Variants in CDKN2B-AS1 observed in about 807,000 individuals in gnomAD.
CDKN2B-AS1 encodes CDKN2B antisense RNA 1 (non-protein coding).
intron 4 of CDKN2B-AS1, among the ~76,000 whole-genome samples, chr9:22,116,529 T>C (rs1048164548): frequency 2.0e-5 from 3 of 152,198 alleles, no homozygotes; most frequent in African/African-American, 7.2e-5. Context: ...GCCTGCTTGA[T>C]GTGGAAGACA....
intron 4 of CDKN2B-AS1, among the ~76,000 whole-genome samples, chr9:22,098,733 C>G (rs1213264305): frequency 1.3e-5 from 2 of 152,124 alleles, no homozygotes; most frequent in Non-Finnish European, 2.9e-5. Flanking sequence ...ATTAACTGGC[C>G]AAACTAAGAT....
rs1456445814 is a variant in CDKN2B-AS1 at position 22,006,414 on chromosome 9, G to A, written n.29+11253G>A. 5 of 924,468 alleles carry A rather than the reference G, an allele frequency of 5.4e-6. No individual in the cohort carries two copies. Among genetic ancestry groups the A allele is most frequent in the Non-Finnish European group, 8.3e-6 (5 of 605,546 alleles). The allele number at this position is 924,468 out of a possible 1,614,324, so 57.3% of individuals were successfully genotyped here. A position where few individuals can be genotyped will look rare whatever the true frequency, so the allele number is the denominator to read the frequency against. ...GTCTGGTGTTTCTTCATTTGCTGAT[G>A]CAATCCACTTTCCCACCCCACCTTC... On this transcript the variant is annotated intron_variant and non_coding_transcript_variant, in intron 1 of 4. Transcript: ENST00000650946. The surrounding 1 kb of genome is among the most constrained non-coding windows in gnomAD (Gnocchi z 6.4).
intron 1 of CDKN2B-AS1, among the ~76,000 whole-genome samples, chr9:22,025,771 C>G (rs534714186): frequency 6.6e-6 from 1 of 152,120 alleles, no homozygotes; most frequent in African/African-American, 2.4e-5. Context: ...GCTGAAGACG[C>G]TAGTTGGGAG....
intron 1 of CDKN2B-AS1, among the ~76,000 whole-genome samples, chr9:22,015,124 C>T (rs1232205816): frequency 6.6e-6 from 1 of 151,930 alleles, no homozygotes; most frequent in Non-Finnish European, 1.5e-5. Context: ...GGTATATACC[C>T]AGTAATGGGA....
At chr9:22,100,092 C>T (rs1270949976) in intron 4 of CDKN2B-AS1, among the ~76,000 whole-genome samples, 2 of 152,002 alleles carry the variant, frequency 1.3e-5, no homozygotes, top group Non-Finnish European at 2.9e-5. Context: ...GGGATAAAGG[C>T]GATAGTATTT....
At chr9:22,106,969 G>T (rs992655591) in intron 4 of CDKN2B-AS1, among the ~76,000 whole-genome samples, 2 of 152,180 alleles carry the variant, frequency 1.3e-5, no homozygotes, top group African/African-American at 4.8e-5. Context: ...TCGAACCAAG[G>T]TAATTGTCCT....
intron 1 of CDKN2B-AS1, among the ~76,000 whole-genome samples, chr9:22,015,940 T>C (rs1382011624): frequency 6.6e-6 from 1 of 152,084 alleles, no homozygotes; most frequent in Non-Finnish European, 1.5e-5. Flanking sequence ...TTTGATGGGG[T>C]TGTTTGTTTT....
intron 3 of CDKN2B-AS1, among the ~76,000 whole-genome samples, chr9:22,053,114 C>G (rs1823423935): frequency 6.6e-6 from 1 of 152,212 alleles, no homozygotes; most frequent in Non-Finnish European, 1.5e-5. Flanking sequence ...TTTTCTAGCT[C>G]TGAGTATGTG....
chr9:22,068,489 C>T (rs781636295), intron 4 of CDKN2B-AS1, among the ~76,000 whole-genome samples: 3 of 152,098 alleles, frequency 2.0e-5, no homozygotes, highest in Admixed American at 1.3e-4. Flanking sequence ...GCAGATGAGA[C>T]ACTATGTACC....
Position 22,006,102 on chromosome 9 carries a change from C to A in CDKN2B-AS1, n.29+10941C>A. 6.2e-7 allele frequency: 1 copy of A among 1,609,452 alleles called. No individual in the cohort carries two copies. Among genetic ancestry groups the A allele is most frequent in the Non-Finnish European group, 8.5e-7 (1 of 1,179,764 alleles). On this transcript the variant is annotated intron_variant and non_coding_transcript_variant, in intron 1 of 4. Coordinates refer to ENST00000650946, the Ensembl canonical transcript of CDKN2B-AS1. The surrounding 1 kb of genome is among the most constrained non-coding windows in gnomAD (Gnocchi z 6.4). ...GCGCACGTCCAGCCGCGCCCCGGCC[C>A]GGTGCAGCACCACCAGCGTGTCCAG...
At chr9:22,075,832 G>C (rs1824470404) in intron 4 of CDKN2B-AS1, among the ~76,000 whole-genome samples, 1 of 152,124 alleles carries the variant, frequency 6.6e-6, no homozygotes, top group Non-Finnish European at 1.5e-5. Flanking sequence ...ATACATCCCA[G>C]AAATGAACCC....
At chr9:22,088,689 T>G (rs1031623200) in intron 4 of CDKN2B-AS1, among the ~76,000 whole-genome samples, 1 of 152,194 alleles carries the variant, frequency 6.6e-6, no homozygotes, top group Non-Finnish European at 1.5e-5. Context: ...ATAGCTACTT[T>G]AAATAGACAT....
At chr9:22,082,867 G>A (rs1223620023) in intron 4 of CDKN2B-AS1, among the ~76,000 whole-genome samples, 5 of 152,054 alleles carry the variant, frequency 3.3e-5, no homozygotes, top group African/African-American at 1.2e-4. Flanking sequence ...TGTAAGCCAC[G>A]GAAAGAAATC....
chr9:22,112,628 C>A (rs1024940278), intron 4 of CDKN2B-AS1, among the ~76,000 whole-genome samples: 4 of 152,128 alleles, frequency 2.6e-5, no homozygotes, highest in South Asian at 2.1e-4. Context: ...GCAGATAAAA[C>A]AATAATTCTT....
chr9:22,025,179 C>T (rs1416554963), intron 1 of CDKN2B-AS1, among the ~76,000 whole-genome samples: 1 of 152,136 alleles, frequency 6.6e-6, no homozygotes, highest in Non-Finnish European at 1.5e-5. Context: ...TGTGGGTCAG[C>T]AATCATTCAG....
chr9:22,117,022 G>C (rs1023375358), intron 4 of CDKN2B-AS1, among the ~76,000 whole-genome samples: 5 of 152,256 alleles, frequency 3.3e-5, no homozygotes, highest in Non-Finnish European at 7.4e-5. Flanking sequence ...AGAATGTAAG[G>C]GGAATGACTT....
rs915074897 is a variant in CDKN2B-AS1, at chr9:21,999,516, A to G, written n.29+4355A>G. 3.3e-5 allele frequency among the ~76,000 whole-genome samples: 5 copies of G among 152,012 alleles called. No individual in the cohort carries two copies. Among genetic ancestry groups the G allele is most frequent in the African/African-American group, 9.7e-5 (4 of 41,428 alleles). On this transcript the variant is annotated intron_variant and non_coding_transcript_variant, in intron 1 of 4. Transcript: ENST00000650946. The surrounding 1 kb of genome is among the most constrained non-coding windows in gnomAD (Gnocchi z 4.7). ...CATATATATACATACATATGTATAT[A>G]TGTATTTTATGTATGGATACATATG...
chr9:22,041,398 C>G (rs1822890059), intron 1 of CDKN2B-AS1, among the ~76,000 whole-genome samples: 1 of 152,006 alleles, frequency 6.6e-6, no homozygotes, highest in Non-Finnish European at 1.5e-5. Context: ...AAAGTGAAAA[C>G]TCCAATCAAC....
Position 22,126,574 on chromosome 9 carries a change from C to CTTTTTTTTTTTTTTTTTTTTTT in CDKN2B-AS1, n.439-508_439-507insTTTTTTTTTTTTTTTTTTTTTT, listed in dbSNP as rs34700018. 4.8e-5 allele frequency among the ~76,000 whole-genome samples: 5 copies of CTTTTTTTTTTTTTTTTTTTTTT among 104,882 alleles called. 1 individual carries two copies. Among genetic ancestry groups the CTTTTTTTTTTTTTTTTTTTTTT allele is most frequent in the African/African-American group, 1.6e-4 (4 of 25,254 alleles). The allele number at this position is 104,882 out of a possible 152,430, so 68.8% of individuals were successfully genotyped here. On this transcript the variant is annotated intron_variant and non_coding_transcript_variant, in intron 4 of 4. Transcript: ENST00000650946. Reference sequence around the variant, plus strand: ...TGAATGGGGATGGAGTAAGTGGATTCTTTTTTTTTTTTTTTTTTTTTGAGA... The same window carrying CTTTTTTTTTTTTTTTTTTTTTT: ...TGAATGGGGATGGAGTAAGTGGATTCTTTTTTTTTTTTTTTTTTTTTTTTTTTTTTTTTTTTTTTTTTTGAGA...
Sources: allele counts gnomAD v4.1 joint callset (sites outside exome capture counted in the v4.1 genomes callset), GRCh38; gene constraint gnomAD v4.1.1; non-coding constraint Gnocchi (gnomAD v3.1); transcripts MANE v1.5; gene names NCBI Gene and HGNC (gene_info 2026-07-23, HGNC 2026-07-21).